The following HACL1 variants were observed in gnomAD, a reference collection of about 807,000 sequenced individuals.
HACL1 encodes the protein 2-hydroxyacyl-CoA lyase 1, also known as 1600020H07Rik.
In HACL1, 64 loss-of-function variants were observed where a neutral mutation model predicts 74.2. The ratio of observed to expected loss-of-function variants is 0.86; its 90% CI spans 0.70 to 1.06. The LOEUF is 1.06. Among genes scored for constraint, HACL1 ranks in the 50% least tolerant of loss-of-function variants. The pLI, the probability that HACL1 is intolerant of heterozygous loss-of-function variation, is 0.00. For synonymous variants in HACL1, 230 were observed against 238.8 expected (o/e 0.96, Z 0.34); for missense variants, 728 against 719.7 (o/e 1.01, Z -0.13).
chr3:15,593,959 G>A (rs556011694), intron 3 of HACL1, among the ~76,000 whole-genome samples: 4 of 151,948 alleles, frequency 2.6e-5, no homozygotes, highest in East Asian at 3.9e-4. Context: ...CACCACACCC[G>A]GCTAATTTTT....
intron 9 of HACL1, among the ~76,000 whole-genome samples, chr3:15,579,517 GAAGA>G (rs1364457338): frequency 6.6e-6 from 1 of 152,176 alleles, no homozygotes; most frequent in African/African-American, 2.4e-5. Context: ...AAAAATATTT[GAAGA>G]AAGAATGATG....
chr3:15,576,189 T>C (rs1420582782), intron 9 of HACL1, among the ~76,000 whole-genome samples: 3 of 148,518 alleles, frequency 2.0e-5, no homozygotes, highest in Non-Finnish European at 4.5e-5. Context: ...GTTTCCTTTC[T>C]CATTAAGTTC....
chr3:15,592,162 GTATA>G (rs2063925182), intron 3 of HACL1, among the ~76,000 whole-genome samples: 2 of 148,000 alleles, frequency 1.4e-5, no homozygotes, highest in Non-Finnish European at 3.0e-5. Flanking sequence ...ACGTATATAC[GTATA>G]CATGCATGTA....
Position 15,571,762 on chromosome 3 carries a change from T to A in HACL1, c.1001A>T (p.Glu334Val), listed in dbSNP as rs2063532015. The A allele has an allele frequency of 6.4e-6, 7 of 1,093,852 alleles. No individual in the cohort carries two copies. The highest frequency in any genetic ancestry group is 3.9e-5 in the South Asian group (3 of 76,946). The allele number at this position is 1,093,852 out of a possible 1,614,324, so 67.8% of individuals were successfully genotyped here. Residue 334 changes from glutamate to valine, a missense_variant, in exon 12 of 17, where the codon GAG becomes GTG. Physicochemically the swap from Glu to Val is moderately radical, Grantham distance 121. Transcript: ENST00000321169. Reference protein sequence around the residue: ...NIHAVTKQLLEELDKTPWQYP... With the variant: ...NIHAVTKQLLVELDKTPWQYP... ...CTGCCATGGTGTTTTATCAAGTTCC[T>A]CTAAAAGCTTAAAAAAAAAAAAACA...
At chr3:15,601,051 T>C in intron 2 of HACL1, 39 bp downstream of exon 2, 1 of 1,233,896 alleles carries the variant, frequency 8.1e-7, no homozygotes, top group Non-Finnish European at 1.2e-6. Flanking sequence ...TTACTGATCA[T>C]TCCCAGTAAC....
chr3:15,577,751 T>C (rs189946750), intron 9 of HACL1, among the ~76,000 whole-genome samples: 7 of 151,978 alleles, frequency 4.6e-5, no homozygotes, highest in East Asian at 1.9e-4. Context: ...TCAGGTGTGA[T>C]TGCACCACTG....
At chr3:15,598,410 G>A (rs56959292) in intron 2 of HACL1, among the ~76,000 whole-genome samples, 4,578 of 152,230 alleles carry the variant, frequency 0.03, 230 homozygotes, top group African/African-American at 0.1. Flanking sequence ...CTTAGAGAGT[G>A]GACTCTCGAG....
chr3:15,564,900 C>T (rs898686943), intron 14 of HACL1, among the ~76,000 whole-genome samples: 8 of 152,178 alleles, frequency 5.3e-5, no homozygotes, highest in African/African-American at 1.9e-4. Flanking sequence ...GGCATGATGG[C>T]TCATGCCTGT....
At chr3:15,598,344 A>C (rs1227149519) in intron 2 of HACL1, among the ~76,000 whole-genome samples, 1 of 152,192 alleles carries the variant, frequency 6.6e-6, no homozygotes, top group Non-Finnish European at 1.5e-5. Context: ...TGACCATAAA[A>C]GATCTGTTCC....
intron 9 of HACL1, among the ~76,000 whole-genome samples, chr3:15,575,698 C>T (rs1051018004): frequency 1.3e-5 from 2 of 152,126 alleles, no homozygotes; most frequent in African/African-American, 4.8e-5. Flanking sequence ...CGTGCCACTG[C>T]ACCTGACTAA....
chr3:15,596,406 C>A lies in HACL1; in HGVS notation c.205G>T (p.Ala69Ser). The change falls in exon 3 of 17, where the codon GCG (alanine) becomes TCG (serine). Residue 69 changes from alanine to serine, a missense_variant. Physicochemically the swap from Ala to Ser is moderately conservative, Grantham distance 99. Transcript: ENST00000321169. ...NEQAACYAAS[A>S]IGYLTSRPGV... ...TACCTGCTTGTCAGATATCCAATCG[C>A]GGAGGCAGCATAACAAGCCTACGAG... 1 of 1,599,314 alleles carries A rather than the reference C, an allele frequency of 6.3e-7. No homozygotes were observed. Among genetic ancestry groups the A allele is most frequent in the African/African-American group, 1.3e-5 (1 of 74,734 alleles).
chr3:15,593,123 A>C (rs1164609815), intron 3 of HACL1, among the ~76,000 whole-genome samples: 1 of 137,500 alleles, frequency 7.3e-6, no homozygotes, highest in South Asian at 2.2e-4. Context: ...ATATACACAC[A>C]CATACGTATA....
At chr3:15,590,717 A>C (rs889380678) in intron 4 of HACL1, among the ~76,000 whole-genome samples, 2 of 152,210 alleles carry the variant, frequency 1.3e-5, no homozygotes, top group Admixed American at 6.5e-5. Context: ...ATAATTCTTC[A>C]CTTAAAGTAA....
chr3:15,595,604 C>CTTTTTTTTT (rs764183329), intron 3 of HACL1, among the ~76,000 whole-genome samples: 1 of 97,338 alleles, frequency 1.0e-5, no homozygotes, highest in Non-Finnish European at 2.0e-5. Flanking sequence ...ATCTTTTTTC[C>CTTTTTTTTT]TTTTTTTTTT....
At chr3:15,585,582 A>G (rs954032524) in intron 6 of HACL1, among the ~76,000 whole-genome samples, 3 of 152,168 alleles carry the variant, frequency 2.0e-5, no homozygotes, top group African/African-American at 7.2e-5. Flanking sequence ...TTCATGTTCT[A>G]TTACACTTTA....
intron 10 of HACL1, 25 bp downstream of exon 10, chr3:15,574,952 T>C: frequency 9.6e-7 from 1 of 1,044,054 alleles, no homozygotes; most frequent in South Asian, 1.3e-5. Flanking sequence ...ACATTTCTGA[T>C]TTTAAGTTCC....
At chr3:15,562,014 C>T (rs973871147) in intron 16 of HACL1, among the ~76,000 whole-genome samples, 2 of 152,148 alleles carry the variant, frequency 1.3e-5, no homozygotes, top group Non-Finnish European at 2.9e-5. Flanking sequence ...GCTTTAGTTT[C>T]CCCAGGGCTC....
At chr3:15,592,395 T>C (rs1178442453) in intron 3 of HACL1, among the ~76,000 whole-genome samples, 1 of 151,110 alleles carries the variant, frequency 6.6e-6, no homozygotes, top group Non-Finnish European at 1.5e-5. Context: ...CACACACGTG[T>C]ATACATGTAG....
Position 15,601,198 on chromosome 3 carries a change from A to T in HACL1, c.82-4T>A. ...TGCCAAATATGTACTCCACATCCTG[A>T]GGAACGAAGAACAGGGGAGTAAACT... is the stretch of plus-strand genomic sequence containing the variant. On this transcript the variant is annotated splice_polypyrimidine_tract_variant and splice_region_variant and intron_variant, in intron 1 of 16. Transcript: ENST00000321169. The T allele has an allele frequency of 6.2e-7, 1 of 1,605,290 alleles. No homozygotes were observed. The highest frequency in any genetic ancestry group is 1.1e-5 in the South Asian group (1 of 90,900).
Sources: allele counts gnomAD v4.1 joint callset (sites outside exome capture counted in the v4.1 genomes callset), GRCh38; gene constraint gnomAD v4.1.1; transcripts MANE v1.5; gene names NCBI Gene and HGNC (gene_info 2026-07-23, HGNC 2026-07-21).